The following ACSM3 variants were observed in gnomAD, a reference collection of about 807,000 sequenced individuals.
ACSM3 encodes the protein acyl-coenzyme A synthetase ACSM3, mitochondrial.
A neutral mutation model predicts 74.1 loss-of-function variants in ACSM3; 61 were observed. That is an observed-to-expected ratio of 0.82 (90% CI 0.67 to 1.02). The LOEUF (loss-of-function observed/expected upper bound fraction) is 1.02, where lower values mean the gene tolerates loss of function less well. ACSM3 is among the 50% of genes least tolerant of loss of function. The pLI is 0.00. For synonymous variants in ACSM3, 213 were observed against 241.5 expected (o/e 0.88, Z 1.09); for missense variants, 660 against 697.0 (o/e 0.95, Z 0.60).
chr16:20,788,751 A>G (rs1272673261), intron 9 of ACSM3, among the ~76,000 whole-genome samples: 2 of 152,248 alleles, frequency 1.3e-5, no homozygotes, highest in Non-Finnish European at 2.9e-5. Flanking sequence ...GATTTTATCT[A>G]TATTCCCATC....
chr16:20,792,455 A>G, intron 12 of ACSM3, 120 bp downstream of exon 12: 1 of 1,541,244 alleles, frequency 6.5e-7, no homozygotes, highest in Non-Finnish European at 8.8e-7. Flanking sequence ...TGCAAGTCAG[A>G]TAGAAATATG....
chr16:20,690,960 C>T lies in ACSM3; in HGVS notation c.-190+16138C>T, dbSNP rs766574735. 27 of 1,588,814 alleles carry T rather than the reference C, an allele frequency of 1.7e-5. No individual in the cohort carries two copies. In the Admixed American group the frequency reaches 3.9e-4, roughly 23 times the overall value. On this transcript the variant is annotated intron_variant, in intron 1 of 3. Transcript: ENST00000561584. ...AGCAAGATAAGGAAAGTGAGGCCAC[C>T]CTTGTTCTTATATCGCCATCACGGC...
intron 1 of ACSM3, among the ~76,000 whole-genome samples, chr16:20,709,017 AT>A (rs2079735423): frequency 6.6e-6 from 1 of 152,276 alleles, no homozygotes; most frequent in African/African-American, 2.4e-5. Flanking sequence ...AGATAACATA[AT>A]GAAGAAAGGA....
At chr16:20,763,142 A>G (rs1277659006), upstream of ACSM3, among the ~76,000 whole-genome samples, 1 of 152,232 alleles carries the variant, frequency 6.6e-6, no homozygotes, top group African/African-American at 2.4e-5. Context: ...ATATCCATCA[A>G]CTATTTATTG....
intron 1 of ACSM3, chr16:20,729,496 G>T: frequency 1.6e-6 from 1 of 624,180 alleles, no homozygotes; most frequent in Admixed American, 2.3e-5. Context: ...TGCTTGCTGA[G>T]CATCCAGCAG....
At chr16:20,685,841 AAAAAAC>A (rs1334661571) in intron 1 of ACSM3, among the ~76,000 whole-genome samples, 45 of 123,696 alleles carry the variant, frequency 3.6e-4, no homozygotes, top group African/African-American at 9.3e-4. Context: ...ACAAACAAAA[AAAAAAC>A]AAAAAACTTA....
chr16:20,679,074 T>A (rs796883553), intron 1 of ACSM3: 3 of 152,156 alleles, frequency 2.0e-5, no homozygotes, highest in African/African-American at 7.2e-5. Flanking sequence ...TTTCTTTAAG[T>A]TAAAAAATGG....
chr16:20,739,752 C>T, intron 1 of ACSM3, among the ~76,000 whole-genome samples: 1 of 150,910 alleles, frequency 6.6e-6, no homozygotes. Flanking sequence ...ACCCAGAAGG[C>T]AGATATTGCA....
intron 1 of ACSM3, among the ~76,000 whole-genome samples, chr16:20,677,836 A>T (rs797018715): frequency 6.6e-6 from 1 of 152,040 alleles, no homozygotes; most frequent in Non-Finnish European, 1.5e-5. Context: ...TATGCTTCTG[A>T]CACTTTCCAT....
intron 2 of ACSM3, among the ~76,000 whole-genome samples, chr16:20,771,943 A>G (rs918531490): frequency 7.2e-5 from 11 of 152,196 alleles, no homozygotes; most frequent in African/African-American, 2.7e-4. Flanking sequence ...CTGGGGTAAG[A>G]TCATATCTCA....
At chr16:20,709,813 GA>G (rs2079738821) in intron 1 of ACSM3, among the ~76,000 whole-genome samples, 1 of 152,154 alleles carries the variant, frequency 6.6e-6, no homozygotes. Context: ...AACTCACCAG[GA>G]AATAAGTAGT....
chr16:20,698,375 T>A (rs1215667279), intron 1 of ACSM3, among the ~76,000 whole-genome samples: 1 of 151,968 alleles, frequency 6.6e-6, no homozygotes, highest in Non-Finnish European at 1.5e-5. Context: ...TGAGAGTCAG[T>A]GTAGCCTAAT....
chr16:20,734,878 T>C (rs1169174051), intron 1 of ACSM3: 1 of 152,202 alleles, frequency 6.6e-6, no homozygotes, highest in African/African-American at 2.4e-5. Flanking sequence ...AGAGACAAAA[T>C]TTCAAGCTGA....
intron 1 of ACSM3, chr16:20,718,418 G>C (rs1050962016): frequency 2.5e-6 from 2 of 793,228 alleles, no homozygotes; most frequent in Non-Finnish European, 3.5e-6. Flanking sequence ...TATTTCACCA[G>C]TGGGACGACA....
intron 9 of ACSM3, among the ~76,000 whole-genome samples, chr16:20,786,741 A>C (rs1472322958): frequency 6.6e-6 from 1 of 152,194 alleles, no homozygotes; most frequent in Admixed American, 6.5e-5. Flanking sequence ...GAAGCATACT[A>C]ATATTAGAAC....
At chr16:20,696,498 GT>G (rs1485138827) in intron 1 of ACSM3, among the ~76,000 whole-genome samples, 7 of 152,204 alleles carry the variant, frequency 4.6e-5, no homozygotes, top group African/African-American at 1.7e-4. Flanking sequence ...AATTATCTGA[GT>G]TATAGAAAAA....
chr16:20,757,888 A>G (rs1874976295), intron 3 of ACSM3, among the ~76,000 whole-genome samples: 1 of 152,032 alleles, frequency 6.6e-6, no homozygotes, highest in South Asian at 2.1e-4. Flanking sequence ...ATCTATTGAG[A>G]TAATCATGTG....
chr16:20,704,286 A>G (rs1485850727), intron 1 of ACSM3, among the ~76,000 whole-genome samples: 1 of 152,214 alleles, frequency 6.6e-6, no homozygotes, highest in East Asian at 1.9e-4. Context: ...GAAAGGTAGT[A>G]TTATTACTAC....
Position 20,785,116 on chromosome 16 carries a change from C to T in ACSM3, c.1143+9C>T, listed in dbSNP as rs1476718734. On this transcript the variant is annotated intron_variant, in intron 8 of 13. Coordinates refer to ENST00000289416, the MANE Select transcript of ACSM3 (RefSeq NM_005622.4). ...ATGGACAGACTGAAACGGTACCTGA[C>T]CTCACTGAAAAGACATAGCTGGATT... 4 of 1,612,474 alleles carry T rather than the reference C, an allele frequency of 2.5e-6. No homozygotes were observed. Among genetic ancestry groups the T allele is most frequent in the East Asian group, 4.5e-5 (2 of 44,788 alleles).
Sources: allele counts gnomAD v4.1 joint callset (sites outside exome capture counted in the v4.1 genomes callset), GRCh38; gene constraint gnomAD v4.1.1; transcripts MANE v1.5; gene names NCBI Gene and HGNC (gene_info 2026-07-23, HGNC 2026-07-21).